Variants in KAZN observed in about 807,000 individuals in gnomAD.
KAZN encodes kazrin, periplakin interacting protein, also known as kazrin.
Under a neutral mutation model 87.4 loss-of-function variants are expected in KAZN, and 40 were observed. The observed-to-expected ratio is 0.46, with a 90% CI of 0.36 to 0.60. The LOEUF is 0.60. KAZN is among the 20% of genes least tolerant of loss of function. The probability of loss-of-function intolerance (pLI) is 0.00; values close to 1 mark genes in which losing one functional copy is unlikely to be tolerated. For missense variants in KAZN, 898 were observed against 1,073.9 expected (o/e 0.84, Z 2.29); for synonymous variants, 466 against 458.3 (o/e 1.02, Z -0.22).
At chr1:14,355,973 A>G (rs559212945) in intron 2 of KAZN, among the ~76,000 whole-genome samples, 1 of 152,310 alleles carries the variant, frequency 6.6e-6, no homozygotes, top group South Asian at 2.1e-4. Context: ...GTCAAATGGT[A>G]TTTCTGGTTC....
At chr1:14,282,907 G>A (rs1400650210) in intron 2 of KAZN, among the ~76,000 whole-genome samples, 1 of 152,138 alleles carries the variant, frequency 6.6e-6, no homozygotes, top group African/African-American at 2.4e-5. Context: ...AAACGAGAGA[G>A]GATCACCTTG....
intron 2 of KAZN, among the ~76,000 whole-genome samples, chr1:14,533,629 T>C (rs1317674806): frequency 6.6e-6 from 1 of 152,170 alleles, no homozygotes. Context: ...GCTTTTAACT[T>C]AGCAGAGGGA....
intron 2 of KAZN, among the ~76,000 whole-genome samples, chr1:14,438,652 G>C (rs1666534443): frequency 2.0e-5 from 3 of 152,314 alleles, no homozygotes; most frequent in African/African-American, 7.2e-5. Flanking sequence ...AGACCAGATG[G>C]GACAAGTGAG....
intron 2 of KAZN, among the ~76,000 whole-genome samples, chr1:14,492,977 G>A (rs900484312): frequency 6.6e-6 from 1 of 151,812 alleles, no homozygotes; most frequent in African/African-American, 2.4e-5. Context: ...CTTCTCCTCA[G>A]TGCCTTTGCC....
chr1:14,286,702 C>T (rs1653280813), intron 2 of KAZN, among the ~76,000 whole-genome samples: 1 of 152,038 alleles, frequency 6.6e-6, no homozygotes, highest in Non-Finnish European at 1.5e-5. Flanking sequence ...GTAGACATAC[C>T]CAGGTCCCCT....
At chr1:15,047,343 T>C (rs971777184) in intron 4 of KAZN, among the ~76,000 whole-genome samples, 2 of 152,020 alleles carry the variant, frequency 1.3e-5, no homozygotes, top group East Asian at 3.9e-4. Context: ...GGGGGGTGCC[T>C]TAAGTCCTGG....
intron 1 of KAZN, among the ~76,000 whole-genome samples, chr1:13,941,264 T>C (rs1001861158): frequency 6.6e-6 from 1 of 151,776 alleles, no homozygotes; most frequent in African/African-American, 2.4e-5. Context: ...CAATGACTAC[T>C]ACATAGGAAA....
chr1:14,381,775 A>T (rs2101050808), intron 2 of KAZN, among the ~76,000 whole-genome samples: 1 of 152,326 alleles, frequency 6.6e-6, no homozygotes, highest in Admixed American at 6.5e-5. Flanking sequence ...CACAACAAGG[A>T]TGCCCACTGT....
rs200496421 is a variant in KAZN at position 15,044,062 on chromosome 1, G to A, written c.629G>A (p.Arg210His). The change falls in exon 4 of 15, where the codon CGC becomes CAC. Residue 210 changes from arginine to histidine, a missense_variant. This residue lies in a region of KAZN where 521 missense variants were observed against 689.4 expected (regional missense o/e 0.76). Transcript: ENST00000376030. ...GAGCGTGAGAAGTGGGAGCTGCGGC[G>A]CCAAGCCAAGGAGGCCACAGACCAC... ...LLEREKWELR[R>H]QAKEATDHAT... 1.0e-4 allele frequency: 161 copies of A among 1,612,536 alleles called. No individual in the cohort carries two copies. The highest frequency in any genetic ancestry group is 6.7e-5 in the African/African-American group (5 of 74,908).
At chr1:14,450,146 C>A (rs9887770) in intron 2 of KAZN, among the ~76,000 whole-genome samples, 15,901 of 152,106 alleles carry the variant, frequency 0.1, 2,273 homozygotes, top group African/African-American at 0.32. Context: ...TCTCTCTCTG[C>A]CTGTCATCCA....
rs1667904615 is a variant in KAZN at position 14,996,736 on chromosome 1, A to G, written c.418+35861A>G. On this transcript the variant is annotated intron_variant, in intron 2 of 14. Coordinates refer to ENST00000376030, the MANE Select transcript of KAZN (RefSeq NM_201628.3). The surrounding 1 kb of genome is among the most constrained non-coding windows in gnomAD (Gnocchi z 5.9). ...TCACTGCCGGCCTCTCCCAGTCCCC[A>G]GGAGAAAGGGCTGATGCTCCCAAAG... 6.6e-6 allele frequency among the ~76,000 whole-genome samples: 1 copy of G among 152,122 alleles called. No individual in the cohort carries two copies. Among genetic ancestry groups the G allele is most frequent in the Admixed American group, 6.5e-5 (1 of 15,268 alleles).
chr1:14,719,484 G>A (rs1642979115), intron 1 of KAZN, among the ~76,000 whole-genome samples: 1 of 152,176 alleles, frequency 6.6e-6, no homozygotes, highest in African/African-American at 2.4e-5. Flanking sequence ...AAGATGGGAG[G>A]GAGTGTAATT....
chr1:14,586,703 G>GT (rs34745288), intron 2 of KAZN, among the ~76,000 whole-genome samples: 228 of 150,534 alleles, frequency 1.5e-3, no homozygotes, highest in African/African-American at 4.8e-3. Flanking sequence ...ACCCAGATAT[G>GT]TTTTTTTTTT....
intron 2 of KAZN, among the ~76,000 whole-genome samples, chr1:15,025,827 C>T (rs1671104457): frequency 6.6e-6 from 1 of 152,168 alleles, no homozygotes. Flanking sequence ...AGGAAATTAA[C>T]ATTGTGGGGA....
chr1:15,109,739 GTGTT>G (rs1186331917), intron 13 of KAZN, among the ~76,000 whole-genome samples: 98 of 150,804 alleles, frequency 6.5e-4, no homozygotes, highest in African/African-American at 2.1e-3. Context: ...GTGTGTATGT[GTGTT>G]TGTGTTTGTA....
At chr1:14,461,921 A>T (rs1667873304) in intron 2 of KAZN, among the ~76,000 whole-genome samples, 1 of 151,916 alleles carries the variant, frequency 6.6e-6, no homozygotes, top group Non-Finnish European at 1.5e-5. Context: ...TCCCCTTGGG[A>T]AAACAAAAAT....
At position 14,996,866 on chromosome 1, in the gene KAZN, T is replaced by C. The variant is rs376765743; in HGVS notation, c.418+35991T>C. Among the ~76,000 whole-genome samples the C allele has an allele frequency of 2.6e-5, 4 of 152,200 alleles. No homozygotes were observed. The highest frequency in any genetic ancestry group is 9.6e-5 in the African/African-American group (4 of 41,456). ...GGAGGGCCGTTTGCCTGCGGCCCCA[T>C]GACCTCGCACCCACCTCCCTGCCTG... On this transcript the variant is annotated intron_variant, in intron 2 of 14. Transcript: ENST00000376030. The surrounding 1 kb of genome is among the most constrained non-coding windows in gnomAD (Gnocchi z 5.9).
intron 2 of KAZN, among the ~76,000 whole-genome samples, chr1:15,001,944 G>A (rs1326846485): frequency 7.6e-6 from 1 of 131,576 alleles, no homozygotes; most frequent in Non-Finnish European, 1.5e-5. Flanking sequence ...GCAGTGGCAC[G>A]ATCTCGGCTC....
At chr1:14,358,846 A>T (rs539684705) in intron 2 of KAZN, among the ~76,000 whole-genome samples, 208 of 152,274 alleles carry the variant, frequency 1.4e-3, no homozygotes, top group African/African-American at 4.8e-3. Flanking sequence ...ACTTCCAATT[A>T]TGTGGTCAAT....
Sources: gnomAD v4.1 joint callset for allele counts (sites outside exome capture counted in the v4.1 genomes callset) on GRCh38, gnomAD v4.1.1 for gene constraint, gnomAD v4.1.1 regional missense constraint, Gnocchi (gnomAD v3.1) non-coding constraint, MANE v1.5 for transcripts, NCBI Gene and HGNC (gene_info 2026-07-23, HGNC 2026-07-21) for gene names.